Variants in PARVA observed in about 807,000 individuals in gnomAD.
PARVA encodes the protein alpha-parvin.
Under a neutral mutation model 52.6 loss-of-function variants are expected in PARVA, and 25 were observed. The observed-to-expected ratio is 0.48, with a 90% CI of 0.35 to 0.66. PARVA has a LOEUF of 0.66. Among genes scored for constraint, PARVA ranks in the 30% least tolerant of loss-of-function variants. PARVA has a pLI of 0.01. For missense variants in PARVA, 373 were observed against 450.9 expected (o/e 0.83, Z 1.56); for synonymous variants, 185 against 179.1 (o/e 1.03, Z -0.26).
intron 1 of PARVA, among the ~76,000 whole-genome samples, chr11:12,409,769 A>T (rs1314415094): frequency 2.6e-5 from 4 of 152,252 alleles, no homozygotes; most frequent in Middle Eastern, 3.2e-3. Flanking sequence ...TGAAATAATA[A>T]ATTAGTGTTG....
At chr11:12,478,829 C>T (rs1941048801) in intron 4 of PARVA, 1 of 152,268 alleles carries the variant, frequency 6.6e-6, no homozygotes, top group Non-Finnish European at 1.5e-5. Flanking sequence ...CCAACCTATT[C>T]CCTACACAGC....
rs7718 is a variant in PARVA at position 12,528,214 on chromosome 11, C to G, written c.*289C>G. On this transcript the variant is annotated 3_prime_UTR_variant, in exon 13 of 13. Coordinates refer to ENST00000334956, the MANE Select transcript of PARVA (RefSeq NM_018222.5). ...TTTCCCTCCATGATTTGGGAACCAG[C>G]TTAGGCAAAAGAGTCCCCACAAGAT... 0.32 allele frequency: 151,666 copies of G among 476,682 alleles called. 24,923 individuals are homozygous for G. The highest frequency in any genetic ancestry group is 0.44 in the Middle Eastern group (781 of 1,766). 29.5% of individuals were successfully genotyped at this position (476,682 alleles called of 1,614,324 possible).
intron 4 of PARVA, among the ~76,000 whole-genome samples, chr11:12,496,175 C>G (rs1941295489): frequency 6.6e-6 from 1 of 152,128 alleles, no homozygotes; most frequent in East Asian, 1.9e-4. Flanking sequence ...GAGAAAACTC[C>G]AGAATGATAG....
intron 1 of PARVA, among the ~76,000 whole-genome samples, chr11:12,432,404 T>C (rs1471271798): frequency 2.0e-5 from 3 of 152,242 alleles, no homozygotes; most frequent in East Asian, 1.9e-4. Flanking sequence ...TTTTATCTAA[T>C]TGAAGATGAA....
chr11:12,475,562 G>A (rs1941001111), intron 3 of PARVA, among the ~76,000 whole-genome samples: 1 of 152,204 alleles, frequency 6.6e-6, no homozygotes, highest in Admixed American at 6.5e-5. Flanking sequence ...GGATGAATGG[G>A]TAGGAATTTC....
chr11:12,456,802 A>G (rs1427000872), intron 1 of PARVA, among the ~76,000 whole-genome samples: 1 of 152,022 alleles, frequency 6.6e-6, no homozygotes, highest in Non-Finnish European at 1.5e-5. Context: ...CCAGGCTCCC[A>G]TAGAGTACTA....
intron 9 of PARVA, chr11:12,513,679 G>A: frequency 1.7e-6 from 1 of 587,654 alleles, no homozygotes; most frequent in Non-Finnish European, 3.1e-6. Context: ...GGGACAGGAA[G>A]GAGAGATCCA....
At chr11:12,461,745 G>T (rs1251376696) in intron 1 of PARVA, among the ~76,000 whole-genome samples, 1 of 152,200 alleles carries the variant, frequency 6.6e-6, no homozygotes, top group Non-Finnish European at 1.5e-5. Context: ...TTCCAACTCT[G>T]CAGAGCCTAT....
chr11:12,414,278 A>G (rs575441311), intron 1 of PARVA, among the ~76,000 whole-genome samples: 13 of 152,334 alleles, frequency 8.5e-5, no homozygotes, highest in African/African-American at 2.9e-4. Flanking sequence ...GCCCGTTAGG[A>G]GTTTACATTT....
At position 12,530,985 on chromosome 11, in the gene PARVA, C is replaced by A. The variant is rs539587054; in HGVS notation, c.*3060C>A. On this transcript the variant is annotated 3_prime_UTR_variant, in exon 13 of 13. Transcript: ENST00000334956. ...AGAGGCATCCTCATGTGCCTCGAACCGAATGTTTTTAAGTCCTCTTTTGGA... is the reference window on the plus strand; with the variant it reads ...AGAGGCATCCTCATGTGCCTCGAACAGAATGTTTTTAAGTCCTCTTTTGGA... 6.6e-6 allele frequency among the ~76,000 whole-genome samples: 1 copy of A among 152,114 alleles called. No homozygotes were observed. Among genetic ancestry groups the A allele is most frequent in the Non-Finnish European group, 1.5e-5 (1 of 68,028 alleles).
intron 1 of PARVA, among the ~76,000 whole-genome samples, chr11:12,448,117 A>ACGTG (rs1940572569): frequency 6.6e-6 from 1 of 152,208 alleles, no homozygotes; most frequent in East Asian, 1.9e-4. Flanking sequence ...TGCAGGGCTG[A>ACGTG]CATCTGATTA....
At chr11:12,412,444 A>T (rs1192112392) in intron 1 of PARVA, among the ~76,000 whole-genome samples, 1 of 152,114 alleles carries the variant, frequency 6.6e-6, no homozygotes, top group Non-Finnish European at 1.5e-5. Context: ...TGTGGGAATG[A>T]GGTGTGAGTA....
chr11:12,506,048 G>T (rs1406037263), intron 6 of PARVA, among the ~76,000 whole-genome samples: 4 of 152,154 alleles, frequency 2.6e-5, no homozygotes, highest in Non-Finnish European at 5.9e-5. Flanking sequence ...GTATCATTCT[G>T]GTGTAGGATA....
At chr11:12,457,184 G>C (rs1293018833) in intron 1 of PARVA, among the ~76,000 whole-genome samples, 1 of 152,212 alleles carries the variant, frequency 6.6e-6, no homozygotes, top group Non-Finnish European at 1.5e-5. Context: ...TATAGTGGAA[G>C]TGTCAGGCAT....
At chr11:12,384,265 A>AGT (rs1939539225) in intron 1 of PARVA, among the ~76,000 whole-genome samples, 1 of 152,200 alleles carries the variant, frequency 6.6e-6, no homozygotes, top group Non-Finnish European at 1.5e-5. Context: ...GCTACTCACC[A>AGT]GATGCCTTGA....
intron 3 of PARVA, among the ~76,000 whole-genome samples, chr11:12,475,076 C>T (rs1039116054): frequency 6.6e-6 from 1 of 152,184 alleles, no homozygotes; most frequent in Non-Finnish European, 1.5e-5. Flanking sequence ...CAGTCGACTC[C>T]TAAGAGGTGG....
intron 1 of PARVA, among the ~76,000 whole-genome samples, chr11:12,472,743 G>A (rs1336036550): frequency 6.6e-6 from 1 of 152,200 alleles, no homozygotes; most frequent in East Asian, 1.9e-4. Flanking sequence ...GATTGCAGCT[G>A]CTGTATTAGC....
intron 1 of PARVA, among the ~76,000 whole-genome samples, chr11:12,380,384 C>A (rs558570757): frequency 6.6e-6 from 1 of 150,632 alleles, no homozygotes; most frequent in Non-Finnish European, 1.5e-5. Context: ...GGGTTATGGA[C>A]GAGGGGCTGC....
chr11:12,514,183 GAAT>G, intron 10 of PARVA, 118 bp downstream of exon 10: 1 of 746,804 alleles, frequency 1.3e-6, no homozygotes, highest in Non-Finnish European at 2.4e-6. Flanking sequence ...GAGGGCATGG[GAAT>G]CTGTCCTACT....
Sources: gnomAD v4.1 joint callset for allele counts (sites outside exome capture counted in the v4.1 genomes callset) on GRCh38, gnomAD v4.1.1 for gene constraint, MANE v1.5 for transcripts, NCBI Gene and HGNC (gene_info 2026-07-23, HGNC 2026-07-21) for gene names.